The following COL27A1 variants were observed in gnomAD, a reference collection of about 807,000 sequenced individuals.
COL27A1 encodes the protein collagen type XXVII alpha 1 chain.
COL27A1 carries 106 observed loss-of-function variants against 251.3 expected under a neutral mutation model. The observed-to-expected ratio is 0.42, with a 90% confidence interval of 0.36 to 0.50. The LOEUF (loss-of-function observed/expected upper bound fraction) is 0.50, where lower values mean the gene tolerates loss of function less well. COL27A1 is among the 20% of genes least tolerant of loss of function. The pLI, the probability that COL27A1 is intolerant of heterozygous loss-of-function variation, is 0.00. For synonymous variants in COL27A1, 1,000 were observed against 986.3 expected, an observed-to-expected ratio of 1.01 and a Z score of -0.26; for missense variants, 2,325 against 2,522.8, an observed-to-expected ratio of 0.92 and a Z score of 1.68.
chr9:114,265,739 C>T (rs376573169), intron 32 of COL27A1, among the ~76,000 whole-genome samples: 23 of 152,228 alleles, frequency 1.5e-4, no homozygotes, highest in Middle Eastern at 3.4e-3. Flanking sequence ...AGATGAAATG[C>T]GAAAATGTAT....
intron 25 of COL27A1, among the ~76,000 whole-genome samples, chr9:114,251,657 C>T (rs181665462): frequency 6.6e-6 from 1 of 152,300 alleles, no homozygotes; most frequent in Middle Eastern, 3.4e-3. Flanking sequence ...TGACCCATGT[C>T]CCTTCTCACC....
intron 14 of COL27A1, among the ~76,000 whole-genome samples, chr9:114,227,732 G>A (rs1306028043): frequency 2.0e-5 from 3 of 152,160 alleles, no homozygotes; most frequent in Non-Finnish European, 2.9e-5. Context: ...AGGGCACAGC[G>A]TGTGGTGCGG....
intron 60 of COL27A1, among the ~76,000 whole-genome samples, chr9:114,310,250 A>G: frequency 6.6e-6 from 1 of 152,284 alleles, no homozygotes; most frequent in Non-Finnish European, 1.5e-5. Flanking sequence ...TAAAAAATAT[A>G]TATATATGTA....
intron 45 of COL27A1, 65 bp downstream of exon 45, chr9:114,289,360 C>T: frequency 6.8e-7 from 1 of 1,463,434 alleles, no homozygotes; most frequent in Non-Finnish European, 9.2e-7. Flanking sequence ...GACCCACAGT[C>T]ACACAGCAAA....
At chr9:114,292,379 T>C (rs1268292701) in intron 49 of COL27A1, among the ~76,000 whole-genome samples, 169 bp downstream of exon 49, 1 of 152,166 alleles carries the variant, frequency 6.6e-6, no homozygotes, top group Non-Finnish European at 1.5e-5. Flanking sequence ...CCAGATACCA[T>C]TCTGCCACCC....
rs1829432893 is a variant in COL27A1 at position 114,311,345 on chromosome 9, A to G, written c.*650A>G. 2.6e-5 allele frequency: 1 copy of G among 37,812 alleles called. No individual in the cohort carries two copies. The highest frequency in any genetic ancestry group is 6.9e-5 in the Non-Finnish European group (1 of 14,452). The allele number at this position is 37,812 out of a possible 1,614,324, so 2.3% of individuals were successfully genotyped here. A position where few individuals can be genotyped will look rare whatever the true frequency, so the allele number is the denominator to read the frequency against. ...CACAGTGTATGTGATTTTTTTAAGG[A>G]AAAAAAAAAATCCCTATTTAAGATT... On this transcript the variant is annotated 3_prime_UTR_variant, in exon 61 of 61. Coordinates refer to ENST00000356083, the MANE Select transcript of COL27A1 (RefSeq NM_032888.4).
At chr9:114,174,244 A>G (rs1849530503) in intron 3 of COL27A1, among the ~76,000 whole-genome samples, 1 of 152,078 alleles carries the variant, frequency 6.6e-6, no homozygotes, top group Non-Finnish European at 1.5e-5. Flanking sequence ...GGGGAGAGTT[A>G]AAGGAACAGA....
At chr9:114,251,613 C>G (rs1833551858) in intron 25 of COL27A1, among the ~76,000 whole-genome samples, 1 of 152,224 alleles carries the variant, frequency 6.6e-6, no homozygotes, top group African/African-American at 2.4e-5. Flanking sequence ...AGCACAACAT[C>G]AAAGCCAACT....
In COL27A1 at chr9:114,169,083, C is replaced by T. The variant is rs1453724628; in HGVS notation, c.1528C>T (p.Pro510Ser). 1 of 1,614,076 alleles carries T rather than the reference C, an allele frequency of 6.2e-7. No homozygotes were observed. Among genetic ancestry groups the T allele is most frequent in the Non-Finnish European group, 8.5e-7 (1 of 1,179,972 alleles). Reference protein sequence around the residue: ...STRPPATMVPPTSGTSTPRTA... With the variant: ...STRPPATMVPSTSGTSTPRTA... ...TCGGCCACCAGCCACGATGGTACCT[C>T]CAACTTCGGGCACCAGCACTCCCAG... Residue 510 changes from proline (P) to serine (S), a missense_variant, in exon 3 of 61, where the codon CCA (proline) becomes TCA (serine). By Grantham distance (74) the Pro-to-Ser change is moderately conservative. Around this residue, in one of 4 missense-constraint regions of COL27A1, gnomAD observed 1,183 missense variants for 1,144.1 expected, o/e 1.03. Coordinates refer to ENST00000356083, the MANE Select transcript of COL27A1 (RefSeq NM_032888.4).
At chr9:114,163,259 T>A (rs546083998) in intron 2 of COL27A1, among the ~76,000 whole-genome samples, 1 of 152,082 alleles carries the variant, frequency 6.6e-6, no homozygotes, top group Admixed American at 6.5e-5. Context: ...GCATTTGAAG[T>A]TTTTGTAAAA....
At chr9:114,302,758 A>AG (rs1265376377) in intron 56 of COL27A1, among the ~76,000 whole-genome samples, 2 of 148,640 alleles carry the variant, frequency 1.3e-5, no homozygotes, top group Non-Finnish European at 3.0e-5. Context: ...GAGTCGGGCC[A>AG]GGGGGGCAGA....
At chr9:114,158,960 G>A (rs891568694) in intron 1 of COL27A1, among the ~76,000 whole-genome samples, 5 of 152,338 alleles carry the variant, frequency 3.3e-5, no homozygotes, top group African/African-American at 9.6e-5. Flanking sequence ...CCTCAGTTAC[G>A]CATCTTTTCA....
In COL27A1 at chr9:114,205,358, C is replaced by T. The variant is rs1464725514; in HGVS notation, c.2169+212C>T. ...CCAAAAGAGCCAGAGTCCATGCCAG[C>T]CTGATGTTGGCATGAGCCGCACAAC... On this transcript the variant is annotated intron_variant, in intron 8 of 60. Coordinates refer to ENST00000356083, the MANE Select transcript of COL27A1 (RefSeq NM_032888.4). Among the ~76,000 whole-genome samples, 7 of 152,246 alleles carry T rather than the reference C, an allele frequency of 4.6e-5. No homozygotes were observed. The South Asian group carries it at 1.0e-3, about 23-fold the overall frequency.
Position 114,289,306 on chromosome 9 carries a change from C to T in COL27A1, c.4206+11C>T, listed in dbSNP as rs72762675. On this transcript the variant is annotated intron_variant, in intron 45 of 60. Transcript: ENST00000356083. ...TCGAAAGGCGCAGAGGTAAGAGGGC[C>T]GGGGGTTCAGCAGGGAGACTGAGTC... 1.7e-5 allele frequency: 26 copies of T among 1,571,508 alleles called. No homozygotes were observed. Among genetic ancestry groups the T allele is most frequent in the Admixed American group, 1.0e-4 (5 of 49,778 alleles).
chr9:114,302,174 GCTGGCCCTCT>G (rs1206564292), intron 56 of COL27A1, 66 bp downstream of exon 56: 1 of 1,382,428 alleles, frequency 7.2e-7, no homozygotes. Flanking sequence ...GGAAGAGGCT[GCTGGCCCTCT>G]CTGGCCCTGG....
At chr9:114,302,028 A>C in intron 55 of COL27A1, 54 bp from the exon 56 acceptor site, 3 of 1,556,818 alleles carry the variant, frequency 1.9e-6, no homozygotes, top group Non-Finnish European at 2.7e-6. Flanking sequence ...ACACCCTCTC[A>C]GATTCCAGCA....
chr9:114,264,954 C>A lies in COL27A1; in HGVS notation c.3280C>A (p.Arg1094=). 2 of 1,613,354 alleles carry A rather than the reference C, an allele frequency of 1.2e-6. No homozygotes were observed. The highest frequency in any genetic ancestry group is 1.7e-6 in the Non-Finnish European group (2 of 1,179,524). The change falls in exon 30 of 61, where the codon CGG becomes AGG. Residue 1094 remains arginine (R), a synonymous_variant. Transcript: ENST00000356083. ...GPPGPQGRPG[R]PGQQGVAGER... ...TCCAGGACCCCAGGGCAGACCGGGCCGGCCTGGACAGCAGGTATGTCAGGC... is the reference window on the plus strand; with the variant it reads ...TCCAGGACCCCAGGGCAGACCGGGCAGGCCTGGACAGCAGGTATGTCAGGC...
At chr9:114,266,523 G>A (rs1227429441) in intron 32 of COL27A1, 42 bp from the exon 33 acceptor site, 52 of 1,585,078 alleles carry the variant, frequency 3.3e-5, no homozygotes, top group Non-Finnish European at 4.3e-5. Context: ...GAGGGCCCAG[G>A]CTGACCTCTC....
rs746486006 is a variant in COL27A1 at position 114,209,412 on chromosome 9, T to G, written c.2269-263T>G. On this transcript the variant is annotated intron_variant, in intron 10 of 60. Transcript: ENST00000356083. ...GAGCCCTGGCGTGGGGCGGGCCTCC[T>G]GCCGGCGAGCGCCTGCGCCCTTCCC... The G allele has an allele frequency of 5.4e-6, 4 of 740,568 alleles. No homozygotes were observed. In the East Asian group the frequency reaches 1.0e-4, roughly 19 times the overall value. 45.9% of individuals were successfully genotyped at this position (740,568 alleles called of 1,614,324 possible).
Sources: allele counts gnomAD v4.1 joint callset (sites outside exome capture counted in the v4.1 genomes callset), GRCh38; gene constraint gnomAD v4.1.1; regional missense constraint gnomAD v4.1.1; transcripts MANE v1.5; gene names NCBI Gene and HGNC (gene_info 2026-07-23, HGNC 2026-07-21).